The following CDH23 variants were observed in gnomAD, a reference collection of about 807,000 sequenced individuals.
CDH23 encodes the protein cadherin-23.
CDH23 carries 189 observed loss-of-function variants against 317.1 expected under a neutral mutation model. That is an observed-to-expected ratio of 0.60 (90% confidence interval 0.53 to 0.67). The LOEUF (loss-of-function observed/expected upper bound fraction) is 0.67. CDH23 is among the 30% of genes least tolerant of loss of function. The probability of loss-of-function intolerance (pLI) is 0.00; values close to 1 mark genes in which losing one functional copy is unlikely to be tolerated. For missense variants in CDH23, 4,401 were observed against 4,592.4 expected, an observed-to-expected ratio of 0.96 and a Z score of 1.20; for synonymous variants, 1,839 against 1,876.8, an observed-to-expected ratio of 0.98 and a Z score of 0.52.
rs756656969 is a variant in CDH23, at chr10:71,685,128, A to C, written c.1987-2519A>C. Among the ~76,000 whole-genome samples the C allele has an allele frequency of 2.6e-5, 4 of 152,202 alleles. No individual in the cohort carries two copies. The South Asian group carries it at 8.3e-4, about 31-fold the overall frequency. On this transcript the variant is annotated intron_variant, in intron 18 of 69. Coordinates refer to ENST00000224721, the MANE Select transcript of CDH23 (RefSeq NM_022124.6). ...TCCCTATCCACATATGACTGAGACC[A>C]GTGCTTCTCAAACTTCCCTGGGCCC...
At chr10:71,779,597 G>A (rs1231751374) in intron 41 of CDH23, 150 bp downstream of exon 41, 2 of 595,420 alleles carry the variant, frequency 3.4e-6, no homozygotes, top group South Asian at 2.8e-5. Context: ...TGACAATGAT[G>A]GAAATAATCT....
At chr10:71,563,143 C>T (rs926870577) in intron 6 of CDH23, among the ~76,000 whole-genome samples, 8 of 152,080 alleles carry the variant, frequency 5.3e-5, no homozygotes, top group Non-Finnish European at 8.8e-5. Context: ...TCAAGGCACC[C>T]GATTTCCACT....
chr10:71,472,133 G>C (rs1418060046), intron 3 of CDH23, among the ~76,000 whole-genome samples: 1 of 152,116 alleles, frequency 6.6e-6, no homozygotes, highest in African/African-American at 2.4e-5. Context: ...GTGGCGGGGA[G>C]CTGACCCCAT....
At chr10:71,542,036 A>T (rs528534007) in intron 6 of CDH23, among the ~76,000 whole-genome samples, 1 of 152,312 alleles carries the variant, frequency 6.6e-6, no homozygotes, top group South Asian at 2.1e-4. Flanking sequence ...AAAAGACGGT[A>T]AGGACTTTTT....
At chr10:71,778,744 G>T (rs181246250) in intron 40 of CDH23, among the ~76,000 whole-genome samples, 2 of 152,242 alleles carry the variant, frequency 1.3e-5, no homozygotes, top group African/African-American at 4.8e-5. Context: ...ACAAATAGAA[G>T]TTTATGGGCA....
At chr10:71,795,557 G>A in intron 48 of CDH23, 1 of 151,698 alleles carries the variant, frequency 6.6e-6, no homozygotes, top group Non-Finnish European at 1.5e-5. Context: ...CTCCTCCTCA[G>A]CCCTCCACTC....
chr10:71,571,532 G>C (rs1462041951), intron 8 of CDH23, among the ~76,000 whole-genome samples: 3 of 152,232 alleles, frequency 2.0e-5, no homozygotes, highest in African/African-American at 7.2e-5. Context: ...GGGTGTCTTA[G>C]AGGACAAAAC....
chr10:71,712,883 C>T lies in CDH23; in HGVS notation c.3369+70C>T, dbSNP rs1564749532. 12 of 1,548,316 alleles carry T rather than the reference C, an allele frequency of 7.8e-6. No homozygotes were observed. The Admixed American group carries it at 9.3e-5, about 12-fold the overall frequency. Reference sequence around the variant, plus strand: ...GCGGAGCCACACACGGCCCTGAGGGCACATGCTCAGTGGCACCAGAGGCGG... The same window carrying T: ...GCGGAGCCACACACGGCCCTGAGGGTACATGCTCAGTGGCACCAGAGGCGG... On this transcript the variant is annotated intron_variant, in intron 28 of 69. Coordinates refer to ENST00000224721, the MANE Select transcript of CDH23 (RefSeq NM_022124.6).
chr10:71,760,588 T>G, intron 38 of CDH23: 1 of 379,208 alleles, frequency 2.6e-6, no homozygotes, highest in East Asian at 4.5e-5. Context: ...ACCCAGTACC[T>G]GTCATGAGGC....
rs1839420448 is a variant in CDH23, at chr10:71,732,350, C to A, written c.4079C>A (p.Ala1360Asp). ...FNAYTSTQAK[A>D]LFKIDAITGV... ...GCCTACACCAGCACCCAGGCCAAAG[C>A]CCTCTTCAAGATAGACGCCATCACG... Residue 1360 changes from alanine to aspartate, a missense_variant, in exon 32 of 70, where the codon GCC (alanine) becomes GAC (aspartate). By Grantham distance (126) the Ala-to-Asp change is moderately radical (BLOSUM62 -2). This residue lies in a region of CDH23 where 3,068 missense variants were observed against 3,203.3 expected (regional missense o/e 0.96). Coordinates refer to ENST00000224721, the MANE Select transcript of CDH23 (RefSeq NM_022124.6). 4 of 1,575,154 alleles carry A rather than the reference C, an allele frequency of 2.5e-6. No individual in the cohort carries two copies. Among genetic ancestry groups the A allele is most frequent in the Middle Eastern group, 1.7e-4 (1 of 6,030 alleles).
In CDH23 at chr10:71,760,289, G is replaced by A. The variant is rs546892369; in HGVS notation, c.4846-17391G>A. 6.6e-3 allele frequency among the ~76,000 whole-genome samples: 680 copies of A among 103,426 alleles called. 94 individuals carry two copies. The highest frequency in any genetic ancestry group is 0.021 in the African/African-American group (661 of 31,748). The allele number at this position is 103,426 out of a possible 152,430, so 67.9% of individuals were successfully genotyped here. On this transcript the variant is annotated intron_variant, in intron 38 of 69. Transcript: ENST00000224721. ...TATACATATATATGTATGTATATAT[G>A]TGTATATATATGTATATACACACAC...
chr10:71,691,506 C>T (rs1168643234), intron 20 of CDH23, among the ~76,000 whole-genome samples: 1 of 151,560 alleles, frequency 6.6e-6, no homozygotes, highest in Non-Finnish European at 1.5e-5. Flanking sequence ...TAAACAGCTA[C>T]ACCCTATCTC....
intron 38 of CDH23, among the ~76,000 whole-genome samples, chr10:71,756,154 A>C (rs1840141187): frequency 6.6e-6 from 1 of 152,124 alleles, no homozygotes; most frequent in Admixed American, 6.5e-5. Context: ...TTAAACTACC[A>C]AAAAAAGTAC....
chr10:71,426,564 G>T (rs1260587570), intron 1 of CDH23, among the ~76,000 whole-genome samples: 1 of 152,180 alleles, frequency 6.6e-6, no homozygotes, highest in African/African-American at 2.4e-5. Context: ...TGGGGCCCAG[G>T]GAGGCAAGTG....
chr10:71,464,200 G>T (rs1851139705), intron 3 of CDH23, among the ~76,000 whole-genome samples: 1 of 152,168 alleles, frequency 6.6e-6, no homozygotes, highest in African/African-American at 2.4e-5. Context: ...TAATAATAAT[G>T]ACAGAGTAAT....
At chr10:71,403,011 A>C (rs1416966973) in intron 1 of CDH23, among the ~76,000 whole-genome samples, 1 of 152,076 alleles carries the variant, frequency 6.6e-6, no homozygotes, top group African/African-American at 2.4e-5. Flanking sequence ...AGTCCCAGCT[A>C]CTCGGGAGGC....
chr10:71,793,199 G>A lies in CDH23; in HGVS notation c.6271G>A (p.Val2091Ile). Residue 2091 changes from valine (V) to isoleucine (I), a missense_variant, in exon 48 of 70, where the codon GTC becomes ATC. By Grantham distance (29) the Val-to-Ile change is conservative. Transcript: ENST00000224721. ...NCPPGFSVLQ[V>I]TATDEDSGLN... ...TCCAACAGGATTCTCAGTCCTTCAA[G>A]TCACAGCCACAGATGAGGACAGTGG... 1 of 1,612,540 alleles carries A rather than the reference G, an allele frequency of 6.2e-7. No homozygotes were observed. Among genetic ancestry groups the A allele is most frequent in the East Asian group, 2.2e-5 (1 of 44,850 alleles).
chr10:71,435,931 C>T (rs1849596634), intron 1 of CDH23, among the ~76,000 whole-genome samples: 1 of 152,260 alleles, frequency 6.6e-6, no homozygotes, highest in African/African-American at 2.4e-5. Flanking sequence ...CTGTCTCTTC[C>T]CTCTGGCATC....
intron 14 of CDH23, among the ~76,000 whole-genome samples, chr10:71,662,526 C>T (rs932578166): frequency 7.9e-5 from 12 of 152,258 alleles, no homozygotes; most frequent in Middle Eastern, 6.8e-3. Context: ...TAGGAGGCGT[C>T]ATTACCAGCC....
Sources: gnomAD v4.1 joint callset for allele counts (sites outside exome capture counted in the v4.1 genomes callset) on GRCh38, gnomAD v4.1.1 for gene constraint, gnomAD v4.1.1 regional missense constraint, MANE v1.5 for transcripts, NCBI Gene and HGNC (gene_info 2026-07-23, HGNC 2026-07-21) for gene names.